SPTBN4: variants seen among roughly 807,000 people sequenced by gnomAD.
SPTBN4 encodes the protein spectrin beta chain, non-erythrocytic 4.
In SPTBN4, 96 loss-of-function variants were observed where a neutral mutation model predicts 277.8. The ratio of observed to expected loss-of-function variants is 0.35; its 90% CI spans 0.29 to 0.41. The LOEUF (loss-of-function observed/expected upper bound fraction) is 0.41. SPTBN4 is among the 10% of genes least tolerant of loss of function. The pLI, the probability that SPTBN4 is intolerant of heterozygous loss-of-function variation, is 1.00. For synonymous variants in SPTBN4, 1,481 were observed against 1,580.3 expected (o/e 0.94, Z 1.49); for missense variants, 3,006 against 3,595.7 (o/e 0.84, Z 4.19).
rs188572066 is a variant in SPTBN4, at chr19:40,496,902, G to A, written c.669-587G>A. Reference sequence around the variant, plus strand: ...AGCCTGGCCAACATGGTGAAACCCCGTCTCTACTAAAAATATAAAAATTAG... The same window carrying A: ...AGCCTGGCCAACATGGTGAAACCCCATCTCTACTAAAAATATAAAAATTAG... On this transcript the variant is annotated intron_variant, in intron 6 of 35. Coordinates refer to ENST00000598249, the MANE Select transcript of SPTBN4 (RefSeq NM_020971.3). 7.8e-4 allele frequency among the ~76,000 whole-genome samples: 119 copies of A among 151,664 alleles called. No homozygotes were observed. The East Asian group carries it at 0.013, about 17-fold the overall frequency.
At chr19:40,573,021 G>A (rs1303184996) in intron 35 of SPTBN4, among the ~76,000 whole-genome samples, 6 of 151,782 alleles carry the variant, frequency 4.0e-5, no homozygotes. Flanking sequence ...AAAAAGGAGT[G>A]ATTCAGGTTG....
intron 26 of SPTBN4, 90 bp downstream of exon 26, chr19:40,557,493 G>A (rs751279467): frequency 1.4e-5 from 20 of 1,448,948 alleles, no homozygotes; most frequent in African/African-American, 1.0e-4. Context: ...GGAGCAGGTC[G>A]AAATTAGGCA....
At chr19:40,561,877 A>T (rs915840814) in intron 27 of SPTBN4, among the ~76,000 whole-genome samples, 7 of 152,134 alleles carry the variant, frequency 4.6e-5, no homozygotes, top group African/African-American at 1.7e-4. Flanking sequence ...GTATATATAC[A>T]TACATAGGAA....
At chr19:40,538,882 C>T (rs184590405) in intron 20 of SPTBN4, among the ~76,000 whole-genome samples, 115 of 152,178 alleles carry the variant, frequency 7.6e-4, no homozygotes, top group African/African-American at 6.3e-4. Context: ...GAAGCACTGC[C>T]CCTGGATAAA....
At chr19:40,552,528 G>A (rs2080930560) in intron 22 of SPTBN4, among the ~76,000 whole-genome samples, 1 of 150,260 alleles carries the variant, frequency 6.7e-6, no homozygotes, top group Admixed American at 6.6e-5. Flanking sequence ...TAGGGTTTAT[G>A]CTGATTATTT....
chr19:40,561,213 G>A (rs1334221453), intron 27 of SPTBN4, among the ~76,000 whole-genome samples: 1 of 152,068 alleles, frequency 6.6e-6, no homozygotes, highest in South Asian at 2.1e-4. Context: ...GGGTTTCACC[G>A]TGTTGGCCAC....
chr19:40,469,981 T>G (rs1225691153), intron 1 of SPTBN4, among the ~76,000 whole-genome samples: 2 of 149,142 alleles, frequency 1.3e-5, no homozygotes. Context: ...TGTTTTCTAT[T>G]TTTTTATTTT....
intron 20 of SPTBN4, among the ~76,000 whole-genome samples, chr19:40,538,743 A>G (rs1239305515): frequency 6.6e-6 from 1 of 152,068 alleles, no homozygotes; most frequent in Non-Finnish European, 1.5e-5. Context: ...GTGTGCCACC[A>G]CGCCCAGATA....
rs748745941 is a variant in SPTBN4 at position 40,513,241 on chromosome 19, C to T, written c.2452C>T (p.Leu818Phe). 56 of 1,517,216 alleles carry T rather than the reference C, an allele frequency of 3.7e-5. No individual in the cohort carries two copies. The highest frequency in any genetic ancestry group is 4.7e-5 in the Non-Finnish European group (54 of 1,139,588). 94.0% of individuals were successfully genotyped at this position (1,517,216 alleles called of 1,614,324 possible). A position where few individuals can be genotyped will look rare whatever the true frequency, so the allele number is the denominator to read the frequency against. ...SRRLARQHRA[L>F]TGEVEAHRGP... ...CCGCCTGGCGCGCCAGCACCGCGCG[C>T]TCACCGGGGAGGTGGAGGCACATCG... Residue 818 changes from leucine (L) to phenylalanine (F), a missense_variant, in exon 14 of 36, where the codon CTC becomes TTC. Physicochemically the swap from Leu to Phe is conservative, Grantham distance 22. Transcript: ENST00000598249.
At chr19:40,497,778 C>A (rs1256502825) in intron 7 of SPTBN4, among the ~76,000 whole-genome samples, 174 bp downstream of exon 7, 1 of 151,904 alleles carries the variant, frequency 6.6e-6, no homozygotes, top group African/African-American at 2.4e-5. Flanking sequence ...TTGTGCCTCC[C>A]CTTCCTCATG....
chr19:40,491,494 C>A (rs911057489), intron 4 of SPTBN4, among the ~76,000 whole-genome samples: 1 of 152,028 alleles, frequency 6.6e-6, no homozygotes, highest in Non-Finnish European at 1.5e-5. Context: ...ATAATCCCAG[C>A]ACTTTGGGAG....
intron 19 of SPTBN4, 65 bp downstream of exon 19, chr19:40,532,836 C>A: frequency 6.6e-7 from 1 of 1,511,338 alleles, no homozygotes; most frequent in African/African-American, 1.4e-5. Context: ...GCCCACGTCT[C>A]ACCTGCTGCA....
intron 17 of SPTBN4, chr19:40,524,660 T>A (rs754348342): frequency 2.2e-6 from 1 of 453,678 alleles, no homozygotes; most frequent in South Asian, 1.6e-5. Context: ...TGGGACAGTG[T>A]CCCCTGCCAG....
At chr19:40,521,366 A>ATTGT (rs2080524703) in intron 16 of SPTBN4, among the ~76,000 whole-genome samples, 1 of 152,222 alleles carries the variant, frequency 6.6e-6, no homozygotes, top group Non-Finnish European at 1.5e-5. Context: ...TTATTACATT[A>ATTGT]TAACATATAA....
chr19:40,529,199 G>A (rs904890360), intron 18 of SPTBN4, 68 bp downstream of exon 18: 41 of 1,462,102 alleles, frequency 2.8e-5, no homozygotes, highest in Non-Finnish European at 3.5e-5. Context: ...CTTCTCGGCC[G>A]AGGTGGGGGT....
rs2080498347 is a variant in SPTBN4 at position 40,519,504 on chromosome 19, G to C, written c.3007G>C (p.Val1003Leu). The change falls in exon 16 of 36, where the codon GTG (valine) becomes CTG (leucine). Residue 1003 changes from valine (V) to leucine (L), a missense_variant. By Grantham distance (32) the Val-to-Leu change is conservative. Around this residue, in one of 5 missense-constraint regions of SPTBN4, gnomAD observed 1,759 missense variants for 2,061.5 expected, o/e 0.85. Transcript: ENST00000598249. The surrounding 1 kb of genome is among the most constrained non-coding windows in gnomAD (Gnocchi z 5.7). ...GGAGGTGGCCGAGGTGCGCGCCCAG[G>C]TGCGTGAGAAGCGGAGAGCTGTGGA... is the stretch of plus-strand genomic sequence containing the variant. ...VLEVAEVRAQ[V>L]REKRRAVESA... The C allele has an allele frequency of 6.2e-7, 1 of 1,609,092 alleles. No individual in the cohort carries two copies. Among genetic ancestry groups the C allele is most frequent in the Non-Finnish European group, 8.5e-7 (1 of 1,178,544 alleles).
In SPTBN4 at chr19:40,502,626, T is replaced by C. The variant is rs2080276514; in HGVS notation, c.1203+119T>C. ...ATGGATTAGATATTCATTCTGACAGTTTTTCAGTAGTAAAGTGTCATAAGG... is the reference window on the plus strand; with the variant it reads ...ATGGATTAGATATTCATTCTGACAGCTTTTCAGTAGTAAAGTGTCATAAGG... On this transcript the variant is annotated intron_variant, in intron 10 of 35. Coordinates refer to ENST00000598249, the MANE Select transcript of SPTBN4 (RefSeq NM_020971.3). This position sits in a 1 kb window ranked among gnomAD's most constrained non-coding sequence, Gnocchi z 4.9. 1 of 1,447,364 alleles carries C rather than the reference T, an allele frequency of 6.9e-7. No homozygotes were observed. The highest frequency in any genetic ancestry group is 9.3e-7 in the Non-Finnish European group (1 of 1,071,832). 89.7% of individuals were successfully genotyped at this position (1,447,364 alleles called of 1,614,324 possible). A position where few individuals can be genotyped will look rare whatever the true frequency, so the allele number is the denominator to read the frequency against.
At chr19:40,566,042 C>T in intron 29 of SPTBN4, 121 bp from the exon 30 acceptor site, 1 of 1,061,566 alleles carries the variant, frequency 9.4e-7, no homozygotes, top group Non-Finnish European at 1.3e-6. Flanking sequence ...CTGCAGAGCC[C>T]AGGATGGTCA....
At chr19:40,532,923 G>A in intron 19 of SPTBN4, 152 bp downstream of exon 19, 1 of 973,880 alleles carries the variant, frequency 1.0e-6, no homozygotes, top group Non-Finnish European at 1.4e-6. Flanking sequence ...TAGCTATGTG[G>A]CTTTGAGTGA....
Sources: allele counts gnomAD v4.1 joint callset (sites outside exome capture counted in the v4.1 genomes callset), GRCh38; gene constraint gnomAD v4.1.1; regional missense constraint gnomAD v4.1.1; non-coding constraint Gnocchi (gnomAD v3.1); transcripts MANE v1.5; gene names NCBI Gene and HGNC (gene_info 2026-07-23, HGNC 2026-07-21).